ARK2C: variants seen among roughly 807,000 people sequenced by gnomAD.
The protein encoded by ARK2C is E3 ubiquitin-protein ligase ARK2C.
At chr18:46,444,658 A>G in the ARK2C span, among the ~76,000 whole-genome samples, 1 of 150,196 alleles carries the variant, frequency 6.7e-6, no homozygotes, top group Admixed American at 6.6e-5. Flanking sequence ...TTTTTTGTAG[A>G]CGTGATATCC....
the ARK2C span, among the ~76,000 whole-genome samples, chr18:46,355,495 A>G: frequency 6.6e-6 from 1 of 152,182 alleles, no homozygotes; most frequent in African/African-American, 2.4e-5. Context: ...GAAGTGCCCC[A>G]GTCTAATATT....
chr18:46,448,138 G>T, the ARK2C span, among the ~76,000 whole-genome samples: 1 of 146,314 alleles, frequency 6.8e-6, no homozygotes, highest in Non-Finnish European at 1.5e-5. Flanking sequence ...TGGCTTTCTT[G>T]TGTATCAACC....
chr18:46,395,765 C>T, the ARK2C span, among the ~76,000 whole-genome samples: 1 of 152,186 alleles, frequency 6.6e-6, no homozygotes, highest in Non-Finnish European at 1.5e-5. Flanking sequence ...ATAGTCATGC[C>T]CAATGCAAGG....
the ARK2C span, among the ~76,000 whole-genome samples, chr18:46,348,234 G>C: frequency 6.0e-3 from 903 of 151,332 alleles, 7 homozygotes; most frequent in African/African-American, 0.021. Flanking sequence ...GGGGCTGGGG[G>C]GGGTGAGGGG....
the ARK2C span, among the ~76,000 whole-genome samples, chr18:46,359,326 GA>G: frequency 6.6e-6 from 1 of 152,192 alleles, no homozygotes; most frequent in African/African-American, 2.4e-5. Context: ...GTGACAAAGG[GA>G]GTGTGCAGGC....
the ARK2C span, among the ~76,000 whole-genome samples, chr18:46,346,743 C>T: frequency 7.9e-5 from 12 of 152,162 alleles, no homozygotes; most frequent in Admixed American, 7.9e-4. Flanking sequence ...TGGCCATTTC[C>T]CAACTCCCAC....
chr18:46,428,727 C>T, the ARK2C span, among the ~76,000 whole-genome samples: 9 of 152,184 alleles, frequency 5.9e-5, no homozygotes, highest in Non-Finnish European at 1.3e-4. Flanking sequence ...TAATTTTTTA[C>T]ATAGAATACA....
the ARK2C span, among the ~76,000 whole-genome samples, chr18:46,409,414 T>A: frequency 6.6e-6 from 1 of 152,074 alleles, no homozygotes; most frequent in African/African-American, 2.4e-5. Context: ...ACGGTGGTGG[T>A]GATGCACTCT....
chr18:46,403,951 C>A, the ARK2C span, among the ~76,000 whole-genome samples: 2 of 152,126 alleles, frequency 1.3e-5, no homozygotes, highest in Admixed American at 6.6e-5. Context: ...TTGGGTGACC[C>A]CATCATAGAA....
chr18:46,383,406 T>TAC, the ARK2C span, among the ~76,000 whole-genome samples: 40 of 152,178 alleles, frequency 2.6e-4, no homozygotes, highest in Non-Finnish European at 4.7e-4. Context: ...AAAATATGTA[T>TAC]ACACACACAC....
chr18:46,382,477 T>G, the ARK2C span, among the ~76,000 whole-genome samples: 1 of 152,342 alleles, frequency 6.6e-6, no homozygotes, highest in Middle Eastern at 3.4e-3. Flanking sequence ...TCCCCTTATA[T>G]GCAATGAATG....
the ARK2C span, among the ~76,000 whole-genome samples, chr18:46,381,877 AG>A: frequency 6.6e-6 from 1 of 151,550 alleles, no homozygotes; most frequent in Non-Finnish European, 1.5e-5. Context: ...GTGGGGTTTC[AG>A]GCACCACCGG....
the ARK2C span, among the ~76,000 whole-genome samples, chr18:46,441,213 C>G: frequency 5.9e-5 from 9 of 152,196 alleles, no homozygotes; most frequent in South Asian, 1.0e-3. Flanking sequence ...GGCTGATCCT[C>G]TACTTCTGTG....
chr18:46,451,041 G>A, the ARK2C span, among the ~76,000 whole-genome samples: 1 of 152,228 alleles, frequency 6.6e-6, no homozygotes, highest in Non-Finnish European at 1.5e-5. Context: ...GTATCCGTGT[G>A]TGCATGTGGA....
chr18:46,406,310 G>C, the ARK2C span, among the ~76,000 whole-genome samples: 1 of 152,224 alleles, frequency 6.6e-6, no homozygotes, highest in East Asian at 1.9e-4. Flanking sequence ...GGGAGCTGCA[G>C]CAGAGCGACA....
chr18:46,400,181 C>T, the ARK2C span, among the ~76,000 whole-genome samples: 3 of 152,170 alleles, frequency 2.0e-5, no homozygotes, highest in African/African-American at 4.8e-5. Context: ...TGGATATTCC[C>T]GACCCTCATG....
the ARK2C span, among the ~76,000 whole-genome samples, chr18:46,337,999 T>C: frequency 6.6e-6 from 1 of 152,186 alleles, no homozygotes; most frequent in Non-Finnish European, 1.5e-5. Context: ...GTTTTCAAGA[T>C]ACATGGGCAC....
At chr18:46,422,452 C>A in the ARK2C span, among the ~76,000 whole-genome samples, 132 of 152,250 alleles carry the variant, frequency 8.7e-4, no homozygotes, top group Non-Finnish European at 1.7e-3. Flanking sequence ...GGAGAGGAGG[C>A]TCCCTGGGGG....
the ARK2C span, among the ~76,000 whole-genome samples, chr18:46,351,723 C>T: frequency 2.6e-5 from 4 of 152,148 alleles, no homozygotes; most frequent in South Asian, 4.1e-4. Flanking sequence ...TCAGTTACAT[C>T]GCCTGGAAAC....
Sources: gnomAD v4.1 joint callset for allele counts (sites outside exome capture counted in the v4.1 genomes callset) on GRCh38, gnomAD v4.1.1 for gene constraint, MANE v1.5 for transcripts, NCBI Gene and HGNC (gene_info 2026-07-23, HGNC 2026-07-21) for gene names.